RALYL: variants seen among roughly 807,000 people sequenced by gnomAD.
RALYL encodes the protein RALY RNA binding protein like.
In RALYL, 29 loss-of-function variants were observed where a neutral mutation model predicts 35.1. The ratio of observed to expected loss-of-function variants is 0.83; its 90% CI spans 0.61 to 1.13. The LOEUF is 1.13. Ranked by LOEUF, RALYL falls within the 50% of genes most tolerant of loss-of-function variation. The pLI, the probability that RALYL is intolerant of heterozygous loss-of-function variation, is 0.00. For synonymous variants in RALYL, 120 were observed against 127.6 expected (o/e 0.94, Z 0.40); for missense variants, 359 against 360.4 (o/e 1.00, Z 0.03).
chr8:84,629,531 C>A lies in RALYL; in HGVS notation c.256+99954C>A, dbSNP rs1823471735. The stretch of plus-strand genomic sequence containing the variant: ...TAATGGCAGATTCATTAAACAAATT[C>A]TGGAAATTCCATGGAATGCAAACCT... On this transcript the variant is annotated intron_variant, in intron 2 of 8. Coordinates refer to ENST00000521268, the MANE Select transcript of RALYL (RefSeq NM_173848.7). Among the ~76,000 whole-genome samples the A allele has an allele frequency of 2.0e-5, 3 of 151,966 alleles. No individual in the cohort carries two copies. In the South Asian group the frequency reaches 6.2e-4, roughly 32 times the overall value.
intron 3 of RALYL, among the ~76,000 whole-genome samples, chr8:84,786,106 T>C (rs189448759): frequency 1.1e-3 from 175 of 152,340 alleles, no homozygotes; most frequent in African/African-American, 4.2e-3. Context: ...CTGTGTTAGT[T>C]TGCTGAGGAT....
At chr8:84,841,973 T>G (rs1302560663) in intron 4 of RALYL, among the ~76,000 whole-genome samples, 1 of 152,150 alleles carries the variant, frequency 6.6e-6, no homozygotes, top group African/African-American at 2.4e-5. Flanking sequence ...AAGCAGTGTG[T>G]AGAGGGAAAT....
chr8:84,609,009 T>A (rs1167665903), intron 2 of RALYL, among the ~76,000 whole-genome samples: 2 of 152,092 alleles, frequency 1.3e-5, no homozygotes, highest in Admixed American at 6.6e-5. Flanking sequence ...CCACAGCTAG[T>A]GCAAAGAAGA....
chr8:84,503,458 A>C (rs934885322), intron 1 of RALYL, among the ~76,000 whole-genome samples: 38 of 151,764 alleles, frequency 2.5e-4, no homozygotes, highest in African/African-American at 7.0e-4. Flanking sequence ...ATTCATACCC[A>C]CTTCACTTCT....
intron 1 of RALYL, among the ~76,000 whole-genome samples, chr8:84,494,927 A>G (rs949660497): frequency 1.3e-5 from 2 of 152,112 alleles, no homozygotes; most frequent in African/African-American, 4.8e-5. Context: ...AGAACTTTCA[A>G]TACTATGTTG....
chr8:84,416,355 C>G (rs1467978369), intron 1 of RALYL, among the ~76,000 whole-genome samples: 1 of 152,140 alleles, frequency 6.6e-6, no homozygotes, highest in Non-Finnish European at 1.5e-5. Context: ...GGGATCTAAA[C>G]TAGTCTGTGC....
chr8:84,310,631 T>C (rs1335922768), intron 1 of RALYL, among the ~76,000 whole-genome samples: 1 of 152,144 alleles, frequency 6.6e-6, no homozygotes, highest in Non-Finnish European at 1.5e-5. Flanking sequence ...TGTTCAATCA[T>C]ATAAAAATAA....
intron 1 of RALYL, among the ~76,000 whole-genome samples, chr8:84,424,132 T>C (rs552409407): frequency 2.0e-5 from 3 of 151,732 alleles, no homozygotes; most frequent in African/African-American, 7.3e-5. Context: ...CTGGATAATA[T>C]CATGCAGAGT....
intron 4 of RALYL, among the ~76,000 whole-genome samples, chr8:84,810,155 T>C (rs1825590417): frequency 2.6e-5 from 4 of 152,196 alleles, no homozygotes; most frequent in South Asian, 4.1e-4. Context: ...CCACCTTTAC[T>C]GTATCCCAGA....
chr8:84,691,221 A>G (rs928065952), intron 2 of RALYL, among the ~76,000 whole-genome samples: 2 of 152,026 alleles, frequency 1.3e-5, no homozygotes, highest in Non-Finnish European at 2.9e-5. Flanking sequence ...GAAATGATAA[A>G]TGGGCTTGTG....
intron 1 of RALYL, among the ~76,000 whole-genome samples, chr8:84,322,694 C>T (rs1845085039): frequency 6.6e-6 from 1 of 152,058 alleles, no homozygotes; most frequent in African/African-American, 2.4e-5. Context: ...CTGATTCATT[C>T]ATGAGTAAGA....
At chr8:84,908,002 C>T (rs1676965944) in intron 8 of RALYL, among the ~76,000 whole-genome samples, 1 of 152,074 alleles carries the variant, frequency 6.6e-6, no homozygotes, top group Non-Finnish European at 1.5e-5. Context: ...CAAACATAAA[C>T]TTTCTCATTA....
chr8:84,362,691 C>T (rs771201515), intron 1 of RALYL, among the ~76,000 whole-genome samples: 1 of 152,064 alleles, frequency 6.6e-6, no homozygotes, highest in African/African-American at 2.4e-5. Flanking sequence ...CTCCCCAACC[C>T]CTAGTCCATA....
At chr8:84,476,981 T>C (rs1253897769) in intron 1 of RALYL, among the ~76,000 whole-genome samples, 1 of 152,100 alleles carries the variant, frequency 6.6e-6, no homozygotes, top group African/African-American at 2.4e-5. Context: ...GGCAGAGAAA[T>C]AATAATATGG....
At chr8:84,771,254 T>C (rs191474561) in intron 2 of RALYL, among the ~76,000 whole-genome samples, 1 of 152,100 alleles carries the variant, frequency 6.6e-6, no homozygotes, top group African/African-American at 2.4e-5. Flanking sequence ...TCTCTACTGT[T>C]GTATAGTATT....
At chr8:84,221,622 T>C (rs886627059) in intron 1 of RALYL, among the ~76,000 whole-genome samples, 2 of 152,086 alleles carry the variant, frequency 1.3e-5, no homozygotes, top group Non-Finnish European at 2.9e-5. Flanking sequence ...GTACTGTATG[T>C]CAAATATTCA....
intron 1 of RALYL, among the ~76,000 whole-genome samples, chr8:84,483,563 A>G (rs1286561123): frequency 6.6e-6 from 1 of 152,130 alleles, no homozygotes. Flanking sequence ...TCCCTTAAAT[A>G]ATGTACCTTT....
At chr8:84,889,419 T>G (rs1414262966) in intron 8 of RALYL, among the ~76,000 whole-genome samples, 1 of 152,186 alleles carries the variant, frequency 6.6e-6, no homozygotes, top group African/African-American at 2.4e-5. Context: ...AGCTGACCAC[T>G]TCCTTCTTCT....
At chr8:84,860,526 G>A (rs1489907614) in intron 5 of RALYL, among the ~76,000 whole-genome samples, 1 of 152,108 alleles carries the variant, frequency 6.6e-6, no homozygotes, top group Non-Finnish European at 1.5e-5. Flanking sequence ...CTTGTTTTGT[G>A]ATTGAAATGA....
Sources: gnomAD v4.1 joint callset for allele counts (sites outside exome capture counted in the v4.1 genomes callset) on GRCh38, gnomAD v4.1.1 for gene constraint, MANE v1.5 for transcripts, NCBI Gene and HGNC (gene_info 2026-07-23, HGNC 2026-07-21) for gene names.